TUSC3: variants seen among roughly 807,000 people sequenced by gnomAD.
TUSC3 encodes the protein dolichyl-diphosphooligosaccharide--protein glycosyltransferase subunit TUSC3.
In TUSC3, 45 loss-of-function variants were observed where a neutral mutation model predicts 44.8. The ratio of observed to expected loss-of-function variants is 1.00; its 90% confidence interval spans 0.79 to 1.29. The LOEUF (loss-of-function observed/expected upper bound fraction) is 1.29. TUSC3 is among the 50% of genes most tolerant of loss of function. The pLI is 0.00. For missense variants in TUSC3, 519 were observed against 437.9 expected (o/e 1.19, Z -1.65); for synonymous variants, 212 against 152.9 (o/e 1.39, Z -2.85).
intron 2 of TUSC3, among the ~76,000 whole-genome samples, chr8:15,512,931 C>CATATATATATATATATATATATAATCAT (rs1801161643): frequency 9.0e-6 from 1 of 110,604 alleles, no homozygotes. Flanking sequence ...TATATATAAT[C>CATATATATATATATATATATATAATCAT]ATATATATAT....
the TUSC3 span, among the ~76,000 whole-genome samples, chr8:15,823,920 T>A: frequency 6.6e-6 from 1 of 152,224 alleles, no homozygotes; most frequent in Non-Finnish European, 1.5e-5. Flanking sequence ...GATAGTATGA[T>A]CTGAAATGGA....
the TUSC3 span, among the ~76,000 whole-genome samples, chr8:15,797,527 ACAGT>A: frequency 3.3e-5 from 5 of 152,168 alleles, no homozygotes; most frequent in South Asian, 2.1e-4. Flanking sequence ...TGATAATGCC[ACAGT>A]CAGGGCCACT....
upstream of TUSC3, among the ~76,000 whole-genome samples, chr8:15,535,527 C>G (rs917680407): frequency 3.3e-5 from 5 of 152,096 alleles, no homozygotes; most frequent in Admixed American, 3.3e-4. Context: ...AAAAGACAAA[C>G]AATTATAGGG....
chr8:15,728,607 G>A (rs1049627472), intron 6 of TUSC3, among the ~76,000 whole-genome samples: 4 of 152,142 alleles, frequency 2.6e-5, no homozygotes, highest in African/African-American at 9.7e-5. Flanking sequence ...GGGGAGAATG[G>A]GACAGAAGCA....
intron 1 of TUSC3, among the ~76,000 whole-genome samples, chr8:15,593,134 G>A (rs1585134096): frequency 6.6e-6 from 1 of 152,202 alleles, no homozygotes; most frequent in Non-Finnish European, 1.5e-5. Flanking sequence ...TGCCCAGGGT[G>A]GAGTGCAGTG....
intron 6 of TUSC3, among the ~76,000 whole-genome samples, chr8:15,683,201 C>G (rs1050767683): frequency 5.3e-5 from 8 of 152,076 alleles, no homozygotes; most frequent in African/African-American, 1.9e-4. Context: ...ATTTCTCTAG[C>G]GAGATTGGGA....
chr8:15,740,718 A>ATGAT (rs1811155997), intron 7 of TUSC3, among the ~76,000 whole-genome samples: 3 of 152,192 alleles, frequency 2.0e-5, no homozygotes, highest in Admixed American at 1.3e-4. Flanking sequence ...AGAGAGCAGT[A>ATGAT]TGATTGTACG....
intron 5 of TUSC3, among the ~76,000 whole-genome samples, chr8:15,665,468 T>A (rs1020025366): frequency 2.6e-5 from 4 of 151,118 alleles, no homozygotes; most frequent in African/African-American, 7.3e-5. Context: ...AAGGCTCATA[T>A]TTTTTTTGTC....
rs1340432509 is a variant in TUSC3, at chr8:15,673,787, A to G, written c.749A>G (p.His250Arg). The change falls in exon 6 of 11, where the codon CAT becomes CGT. Residue 250 changes from histidine (H) to arginine (R), a missense_variant. Coordinates refer to ENST00000503731, the MANE Select transcript of TUSC3 (RefSeq NM_006765.4). ...FAMTSGQMWNHIRGPPYAHKN... is the reference protein window; with the variant it reads ...FAMTSGQMWNRIRGPPYAHKN... ...ATGACTTCTGGCCAGATGTGGAACC[A>G]TATCCGTGGACCTCCATATGCTCAT... 2 of 1,612,768 alleles carry G rather than the reference A, an allele frequency of 1.2e-6. No individual in the cohort carries two copies. The highest frequency in any genetic ancestry group is 1.1e-5 in the South Asian group (1 of 91,058).
intron 2 of TUSC3, among the ~76,000 whole-genome samples, chr8:15,634,681 A>G (rs1440960362): frequency 6.6e-6 from 1 of 152,080 alleles, no homozygotes; most frequent in Non-Finnish European, 1.5e-5. Flanking sequence ...AAGACAAAAG[A>G]TTTTACTGTC....
intron 10 of TUSC3, among the ~76,000 whole-genome samples, chr8:15,763,118 GTATAT>G (rs1382112440): frequency 2.0e-5 from 3 of 151,242 alleles, no homozygotes; most frequent in African/African-American, 7.3e-5. Flanking sequence ...AATATACACT[GTATAT>G]TATATAATTT....
intron 2 of TUSC3, among the ~76,000 whole-genome samples, chr8:15,506,957 G>C (rs575049657): frequency 2.0e-5 from 3 of 152,060 alleles, no homozygotes; most frequent in Non-Finnish European, 2.9e-5. Context: ...CTTTTTGTCT[G>C]GTCATATTTC....
chr8:15,778,868 G>C, the TUSC3 span, among the ~76,000 whole-genome samples: 2 of 152,138 alleles, frequency 1.3e-5, no homozygotes. Flanking sequence ...GTTAGATACA[G>C]AACAATGACT....
chr8:15,695,714 A>G (rs989903208), intron 6 of TUSC3, among the ~76,000 whole-genome samples: 4 of 152,192 alleles, frequency 2.6e-5, no homozygotes, highest in African/African-American at 4.8e-5. Context: ...GATATGAACA[A>G]TGAAATCCAG....
At chr8:15,435,213 T>G (rs28760423) in intron 1 of TUSC3, among the ~76,000 whole-genome samples, 13,698 of 150,392 alleles carry the variant, frequency 0.091, 1,325 homozygotes, top group African/African-American at 0.24. Context: ...TCCTGACTTT[T>G]TAATGATCGC....
At chr8:15,459,875 T>TGTGTATAC (rs1554503596) in intron 1 of TUSC3, among the ~76,000 whole-genome samples, 1 of 148,180 alleles carries the variant, frequency 6.7e-6, no homozygotes, top group African/African-American at 2.6e-5. Flanking sequence ...TGTGTGTGTG[T>TGTGTATAC]ATACATACAT....
chr8:15,527,685 G>A (rs1801393532), intron 2 of TUSC3, among the ~76,000 whole-genome samples: 1 of 152,126 alleles, frequency 6.6e-6, no homozygotes, highest in South Asian at 2.1e-4. Context: ...GATTATAGGA[G>A]TGAGCCACTG....
intron 1 of TUSC3, among the ~76,000 whole-genome samples, chr8:15,570,953 A>ATTTTTTTTTTTTTTTTTT (rs1491358652): frequency 4.1e-5 from 1 of 24,356 alleles, no homozygotes; most frequent in African/African-American, 8.9e-5. Flanking sequence ...ATTGCCTATT[A>ATTTTTTTTTTTTTTTTTT]GTTTTTTTTT....
chr8:15,701,263 G>A (rs1809392888), intron 6 of TUSC3, among the ~76,000 whole-genome samples: 1 of 151,990 alleles, frequency 6.6e-6, no homozygotes. Context: ...ATGTATATCT[G>A]CCATTCCTCA....
Sources: gnomAD v4.1 joint callset for allele counts (sites outside exome capture counted in the v4.1 genomes callset) on GRCh38, gnomAD v4.1.1 for gene constraint, MANE v1.5 for transcripts, NCBI Gene and HGNC (gene_info 2026-07-23, HGNC 2026-07-21) for gene names.